Variants in GRM8 observed in about 807,000 individuals in gnomAD.
GRM8 encodes glutamate metabotropic receptor 8.
GRM8 carries 47 observed loss-of-function variants against 87.2 expected under a neutral mutation model. The observed-to-expected ratio is 0.54, with a 90% CI of 0.43 to 0.69. The LOEUF is 0.69. Among genes scored for constraint, GRM8 ranks in the 30% least tolerant of loss-of-function variants. The probability of loss-of-function intolerance (pLI) is 0.00; values close to 1 mark genes in which losing one functional copy is unlikely to be tolerated. For synonymous variants in GRM8, 396 were observed against 404.5 expected, an observed-to-expected ratio of 0.98 and a Z score of 0.25; for missense variants, 1,019 against 1,139.2, an observed-to-expected ratio of 0.89 and a Z score of 1.52.
At chr7:127,162,944 G>A (rs1023344061) in intron 2 of GRM8, among the ~76,000 whole-genome samples, 1 of 152,120 alleles carries the variant, frequency 6.6e-6, no homozygotes, top group Non-Finnish European at 1.5e-5. Flanking sequence ...CCTTATCACT[G>A]TTCACAGAGT....
chr7:126,987,621 C>A (rs565459990), intron 3 of GRM8, among the ~76,000 whole-genome samples: 1 of 151,972 alleles, frequency 6.6e-6, no homozygotes, highest in East Asian at 1.9e-4. Flanking sequence ...CCACCACGCC[C>A]GGCTAATTTT....
At chr7:126,462,713 T>C (rs1274031499) in intron 9 of GRM8, among the ~76,000 whole-genome samples, 1 of 151,686 alleles carries the variant, frequency 6.6e-6, no homozygotes, top group Non-Finnish European at 1.5e-5. Context: ...ATGCTTCAGT[T>C]TTCAGAATAA....
intron 2 of GRM8, among the ~76,000 whole-genome samples, chr7:127,169,687 A>T (rs1488951217): frequency 6.6e-6 from 1 of 152,238 alleles, no homozygotes; most frequent in Non-Finnish European, 1.5e-5. Flanking sequence ...ATTAAGGGCT[A>T]ATGTGGCTGG....
intron 7 of GRM8, among the ~76,000 whole-genome samples, chr7:126,724,132 G>A (rs1310495689): frequency 6.6e-6 from 1 of 152,124 alleles, no homozygotes; most frequent in Non-Finnish European, 1.5e-5. Flanking sequence ...TTAGAGGAAG[G>A]AAGCCGACTC....
intron 7 of GRM8, among the ~76,000 whole-genome samples, chr7:126,612,553 G>T (rs556308033): frequency 2.0e-5 from 3 of 152,084 alleles, no homozygotes; most frequent in Non-Finnish European, 4.4e-5. Context: ...CGAAGCACTC[G>T]CAACATTCCA....
chr7:126,674,396 T>C (rs1174755790), intron 7 of GRM8, among the ~76,000 whole-genome samples: 2 of 152,142 alleles, frequency 1.3e-5, no homozygotes, highest in East Asian at 1.9e-4. Flanking sequence ...ACCCTCAAAT[T>C]TGAATCTACA....
rs546077711 is a variant in GRM8, at chr7:127,202,897, G to A, written c.510+39798C>T. 2.0e-5 allele frequency among the ~76,000 whole-genome samples: 3 copies of A among 152,304 alleles called. No individual in the cohort carries two copies. In the East Asian group the frequency reaches 5.8e-4, roughly 29 times the overall value. ...GATTCACAGAGGATCAAGTAGGTAG[G>A]ATCAAGAATCCTCATCTTCCGAATA... On this transcript the variant is annotated intron_variant, in intron 2 of 10. Transcript: ENST00000339582.
In GRM8 at chr7:126,934,164, C is replaced by T. The variant is rs139473202; in HGVS notation, c.728-29481G>A. On this transcript the variant is annotated intron_variant, in intron 3 of 10. Transcript: ENST00000339582. ...AGTTCTCAACTGTGCTATCAAGATG[C>T]TTCTACATTATAAAATGGATATAAA... 3.6e-3 allele frequency among the ~76,000 whole-genome samples: 549 copies of T among 152,216 alleles called. 3 individuals are homozygous for T. Among genetic ancestry groups the T allele is most frequent in the Middle Eastern group, 6.8e-3 (2 of 294 alleles).
intron 3 of GRM8, among the ~76,000 whole-genome samples, chr7:126,977,030 C>G (rs1418652847): frequency 4.6e-5 from 7 of 152,026 alleles, no homozygotes. Context: ...ATCCAACTGA[C>G]TTATTAGCAT....
At chr7:127,016,803 T>C (rs553968716) in intron 3 of GRM8, among the ~76,000 whole-genome samples, 12 of 152,252 alleles carry the variant, frequency 7.9e-5, no homozygotes, top group Middle Eastern at 3.4e-3. Flanking sequence ...TCATGTTAAA[T>C]GTGGCTTTGC....
chr7:127,120,180 C>A (rs1306888242), intron 2 of GRM8, among the ~76,000 whole-genome samples: 1 of 152,206 alleles, frequency 6.6e-6, no homozygotes, highest in Non-Finnish European at 1.5e-5. Flanking sequence ...TCCAACTATG[C>A]AGCTATCATC....
At chr7:126,569,325 T>C (rs1794501932) in intron 8 of GRM8, among the ~76,000 whole-genome samples, 1 of 152,256 alleles carries the variant, frequency 6.6e-6, no homozygotes, top group Non-Finnish European at 1.5e-5. Context: ...ACATAACTAT[T>C]GTTTGCACAG....
chr7:126,822,974 G>C (rs1279799253), intron 6 of GRM8, among the ~76,000 whole-genome samples: 2 of 152,124 alleles, frequency 1.3e-5, no homozygotes, highest in East Asian at 3.9e-4. Flanking sequence ...ATTACAAATG[G>C]AACAGATCCC....
intron 9 of GRM8, among the ~76,000 whole-genome samples, chr7:126,510,078 G>T (rs1482101354): frequency 6.6e-6 from 1 of 151,940 alleles, no homozygotes; most frequent in African/African-American, 2.4e-5. Flanking sequence ...GTTCCCTCTG[G>T]GAAGGATATG....
chr7:126,536,158 A>AC (rs1219761705), intron 8 of GRM8, among the ~76,000 whole-genome samples: 3 of 152,232 alleles, frequency 2.0e-5, no homozygotes, highest in Non-Finnish European at 4.4e-5. Flanking sequence ...CAGAAGGCAC[A>AC]CCCAGGGACA....
intron 8 of GRM8, among the ~76,000 whole-genome samples, chr7:126,553,305 C>T (rs1177139558): frequency 6.6e-6 from 1 of 152,108 alleles, no homozygotes; most frequent in Non-Finnish European, 1.5e-5. Context: ...AGAAAATGTA[C>T]AGCTCTGGTG....
At chr7:126,758,021 A>G (rs1817203471) in intron 7 of GRM8, among the ~76,000 whole-genome samples, 1 of 152,190 alleles carries the variant, frequency 6.6e-6, no homozygotes, top group African/African-American at 2.4e-5. Context: ...GAATAGATGA[A>G]TAACACCTTG....
At chr7:126,807,389 C>G (rs867436730) in intron 6 of GRM8, among the ~76,000 whole-genome samples, 3 of 152,162 alleles carry the variant, frequency 2.0e-5, no homozygotes, top group African/African-American at 7.2e-5. Flanking sequence ...CAGCGTTTTT[C>G]TCTTGTGCAG....
intron 3 of GRM8, among the ~76,000 whole-genome samples, chr7:127,080,138 G>T (rs941434597): frequency 1.3e-5 from 2 of 152,150 alleles, no homozygotes; most frequent in African/African-American, 4.8e-5. Context: ...GTAACCACAA[G>T]GGTCCTTAAA....
Sources: gnomAD v4.1 joint callset for allele counts (sites outside exome capture counted in the v4.1 genomes callset) on GRCh38, gnomAD v4.1.1 for gene constraint, MANE v1.5 for transcripts, NCBI Gene and HGNC (gene_info 2026-07-23, HGNC 2026-07-21) for gene names.